Variants in ADGRF5 observed in about 807,000 individuals in gnomAD.
ADGRF5 encodes adhesion G protein-coupled receptor F5.
Under a neutral mutation model 132.3 loss-of-function variants are expected in ADGRF5, and 75 were observed. The observed-to-expected ratio is 0.57, with a 90% CI of 0.47 to 0.69. The LOEUF is 0.69. ADGRF5 is among the 30% of genes least tolerant of loss of function. ADGRF5 has a pLI of 0.00. For synonymous variants in ADGRF5, 629 were observed against 597.6 expected (o/e 1.05, Z -0.77); for missense variants, 1,516 against 1,630.6 (o/e 0.93, Z 1.21).
At chr6:46,939,283 G>T (rs991633992) in intron 1 of ADGRF5, among the ~76,000 whole-genome samples, 1 of 152,298 alleles carries the variant, frequency 6.6e-6, no homozygotes, top group African/African-American at 2.4e-5. Context: ...TCGTTGAGTG[G>T]CCAGTTTCAG....
At chr6:46,878,664 A>G (rs1300612649) in intron 9 of ADGRF5, among the ~76,000 whole-genome samples, 1 of 152,244 alleles carries the variant, frequency 6.6e-6, no homozygotes, top group Non-Finnish European at 1.5e-5. Flanking sequence ...GAAAAAAAGT[A>G]TAACAATAGA....
chr6:46,854,200 A>C (rs1030476563), intron 20 of ADGRF5, 129 bp from the exon 21 acceptor site: 1 of 591,970 alleles, frequency 1.7e-6, no homozygotes, highest in African/African-American at 1.9e-5. Flanking sequence ...CCTGGAAACC[A>C]ACCCATACCT....
At chr6:46,938,578 T>G (rs1038336938) in intron 1 of ADGRF5, among the ~76,000 whole-genome samples, 1 of 152,162 alleles carries the variant, frequency 6.6e-6, no homozygotes, top group African/African-American at 2.4e-5. Flanking sequence ...TGGATGGGGA[T>G]CAGCACCTTA....
chr6:46,892,846 A>T (rs1314928494), intron 3 of ADGRF5, among the ~76,000 whole-genome samples: 2 of 152,144 alleles, frequency 1.3e-5, no homozygotes, highest in Non-Finnish European at 2.9e-5. Flanking sequence ...TGCTCCGCTC[A>T]TCTGTTTGTT....
chr6:46,939,519 T>C (rs890964524), intron 1 of ADGRF5, among the ~76,000 whole-genome samples: 2 of 152,208 alleles, frequency 1.3e-5, no homozygotes, highest in Non-Finnish European at 2.9e-5. Flanking sequence ...TTAATTAAAA[T>C]GTATTGTCTC....
At chr6:46,892,720 A>G (rs1773775757) in intron 3 of ADGRF5, among the ~76,000 whole-genome samples, 1 of 152,226 alleles carries the variant, frequency 6.6e-6, no homozygotes, top group Non-Finnish European at 1.5e-5. Context: ...ACTGCACTCC[A>G]GCCTGGGAGA....
intron 2 of ADGRF5, among the ~76,000 whole-genome samples, chr6:46,900,445 A>C (rs1315470097): frequency 6.6e-6 from 1 of 152,214 alleles, no homozygotes; most frequent in Non-Finnish European, 1.5e-5. Context: ...GAGTCATCCC[A>C]GTGACCTTCG....
intron 4 of ADGRF5, among the ~76,000 whole-genome samples, chr6:46,885,052 C>T (rs1469019929): frequency 2.0e-5 from 3 of 151,950 alleles, no homozygotes; most frequent in Admixed American, 6.6e-5. Context: ...AATACAAAAA[C>T]ATTAGCTGGG....
chr6:46,866,969 T>G lies in ADGRF5; in HGVS notation c.1790A>C (p.Asp597Ala). Residue 597 changes from aspartate (D) to alanine (A), a missense_variant, in exon 13 of 21, where the codon GAC becomes GCC. Asp to Ala is a moderately radical substitution (Grantham distance 126). Coordinates refer to ENST00000283296, the MANE Select transcript of ADGRF5 (RefSeq NM_001098518.2). ...HIKCCIEEDG[D>A]YKVTFHTGSS... ...ACCCGTATGGAAAGTAACTTTGTAG[T>G]CTCCATCCTCCTCTATGCAGCACTT... is the stretch of plus-strand genomic sequence containing the variant. 1.2e-6 allele frequency: 2 copies of G among 1,613,732 alleles called. No homozygotes were observed. Among genetic ancestry groups the G allele is most frequent in the Non-Finnish European group, 1.7e-6 (2 of 1,179,634 alleles).
intron 1 of ADGRF5, among the ~76,000 whole-genome samples, chr6:46,921,154 C>T (rs765900120): frequency 3.9e-5 from 6 of 152,186 alleles, no homozygotes; most frequent in Non-Finnish European, 7.3e-5. Flanking sequence ...TGACTACAAA[C>T]TCCTTTCCCC....
intron 3 of ADGRF5, among the ~76,000 whole-genome samples, chr6:46,890,025 C>G (rs932682783): frequency 6.6e-6 from 1 of 152,000 alleles, no homozygotes; most frequent in Non-Finnish European, 1.5e-5. Context: ...ATAACTGAAG[C>G]CATGGCCACA....
chr6:46,942,250 A>G (rs1778117364), intron 1 of ADGRF5, among the ~76,000 whole-genome samples: 1 of 152,166 alleles, frequency 6.6e-6, no homozygotes, highest in African/African-American at 2.4e-5. Context: ...GTCCTGTGAT[A>G]CTGCCACCTC....
chr6:46,868,737 G>A (rs1008148059), intron 12 of ADGRF5, 146 bp downstream of exon 12: 2 of 591,340 alleles, frequency 3.4e-6, no homozygotes, highest in African/African-American at 1.8e-5. Context: ...TCCCTCAAAG[G>A]AATGTTGCGT....
In ADGRF5 at chr6:46,862,703, CTTTTTTTTTTTT is replaced by C. The variant is rs67565937; in HGVS notation, c.2199+173_2199+184del. ...AGTTGTCTTAGTATTTGAATTGAGG[CTTTTTTTTTTTT>C]TTTTTTTTTTTTTTGCATTTCTAGG... On this transcript the variant is annotated intron_variant, in intron 15 of 20. Coordinates refer to ENST00000283296, the MANE Select transcript of ADGRF5 (RefSeq NM_001098518.2). Among the ~76,000 whole-genome samples the C allele has an allele frequency of 7.5e-4, 20 of 26,510 alleles. 1 individual carries two copies. Among genetic ancestry groups the C allele is most frequent in the African/African-American group, 2.6e-3 (16 of 6,088 alleles). The allele number at this position is 26,510 out of a possible 152,430, so 17.4% of individuals were successfully genotyped here.
At chr6:46,886,856 C>A (rs183375035) in intron 4 of ADGRF5, 4 of 152,290 alleles carry the variant, frequency 2.6e-5, no homozygotes, top group African/African-American at 9.6e-5. Flanking sequence ...TTCTCTGCCA[C>A]ATTGAAGTAT....
rs778494371 is a variant in ADGRF5 at position 46,878,344 on chromosome 6, A to G, written c.1098T>C (p.Asp366=). The change falls in exon 10 of 21, where the codon GAT becomes GAC. Residue 366 remains aspartate, a synonymous_variant. Transcript: ENST00000283296. ...IFEYECKKKI[D]VMPIQILANE... is the part of the protein sequence containing the mutation. ...TTGCCAAAATTTGGATGGGCATAAC[A>G]TCTATTTTCTTCTTGCACTCATATT... 6.2e-7 allele frequency: 1 copy of G among 1,613,094 alleles called. No individual in the cohort carries two copies. The highest frequency in any genetic ancestry group is 1.3e-5 in the African/African-American group (1 of 75,010).
At chr6:46,869,393 C>T (rs1770807524) in intron 11 of ADGRF5, 1 of 985,236 alleles carries the variant, frequency 1.0e-6, no homozygotes. Flanking sequence ...TAAAAGGTTG[C>T]AAACTTAGGG....
rs771872340 is a variant in ADGRF5 at position 46,858,118 on chromosome 6, G to A, written c.3774+11C>T. 3 of 1,598,854 alleles carry A rather than the reference G, an allele frequency of 1.9e-6. No homozygotes were observed. The highest frequency in any genetic ancestry group is 2.6e-6 in the Non-Finnish European group (3 of 1,170,270). ...AAAATCTTCCTGAAAGCTCCGCACT[G>A]TAAAACTCACCTGGAAGACATTGAG... On this transcript the variant is annotated intron_variant, in intron 17 of 20. Transcript: ENST00000283296.
intron 4 of ADGRF5, among the ~76,000 whole-genome samples, chr6:46,887,471 G>T (rs1773172056): frequency 6.6e-6 from 1 of 152,212 alleles, no homozygotes. Context: ...AAGGAAATTA[G>T]TGCTAATGGT....
Sources: gnomAD v4.1 joint callset for allele counts (sites outside exome capture counted in the v4.1 genomes callset) on GRCh38, gnomAD v4.1.1 for gene constraint, MANE v1.5 for transcripts, NCBI Gene and HGNC (gene_info 2026-07-23, HGNC 2026-07-21) for gene names.